Variants in KSR2 observed in about 807,000 individuals in gnomAD.
KSR2 encodes kinase suppressor of ras 2.
KSR2 carries 25 observed loss-of-function variants against 107.8 expected under a neutral mutation model. That is an observed-to-expected ratio of 0.23 (90% confidence interval 0.17 to 0.32). The LOEUF (loss-of-function observed/expected upper bound fraction) is 0.32. Among genes scored for constraint, KSR2 ranks in the 10% least tolerant of loss-of-function variants. KSR2 has a pLI of 1.00. For missense variants in KSR2, 887 were observed against 1,268.9 expected (o/e 0.70, Z 4.57); for synonymous variants, 480 against 507.0 (o/e 0.95, Z 0.71).
rs1355015011 is a variant in KSR2, at chr12:117,454,107, A to C, written c.*13092T>G. 2 of 152,072 alleles carry C rather than the reference A, an allele frequency of 1.3e-5. No individual in the cohort carries two copies. The highest frequency in any genetic ancestry group is 4.8e-5 in the African/African-American group (2 of 41,398). 9.4% of individuals were successfully genotyped at this position (152,072 alleles called of 1,614,324 possible). ...CCCCCTAGAGGTGGGATTCTGGGGGAGGTTCATTTGGGTGATTGAGAAGAA... is the reference window on the plus strand; with the variant it reads ...CCCCCTAGAGGTGGGATTCTGGGGGCGGTTCATTTGGGTGATTGAGAAGAA... On this transcript the variant is annotated 3_prime_UTR_variant, in exon 20 of 20. Coordinates refer to ENST00000339824, the MANE Select transcript of KSR2 (RefSeq NM_173598.6).
intron 1 of KSR2, among the ~76,000 whole-genome samples, chr12:117,926,788 A>G (rs1275127788): frequency 6.6e-6 from 1 of 152,210 alleles, no homozygotes; most frequent in Non-Finnish European, 1.5e-5. Flanking sequence ...GCCTTTCAGC[A>G]GGTATCCTGG....
At chr12:117,732,589 C>T (rs1376715154) in intron 4 of KSR2, among the ~76,000 whole-genome samples, 1 of 152,140 alleles carries the variant, frequency 6.6e-6, no homozygotes, top group African/African-American at 2.4e-5. Flanking sequence ...AGCGCCTGGC[C>T]CTGAAAATTA....
intron 3 of KSR2, among the ~76,000 whole-genome samples, chr12:117,767,479 T>C (rs907305661): frequency 6.7e-6 from 1 of 149,024 alleles, no homozygotes; most frequent in African/African-American, 2.5e-5. Flanking sequence ...AAAAAGGAAA[T>C]GAGGCTCTGG....
intron 1 of KSR2, among the ~76,000 whole-genome samples, chr12:117,931,500 C>G (rs1381067212): frequency 6.6e-6 from 1 of 152,166 alleles, no homozygotes; most frequent in Non-Finnish European, 1.5e-5. Flanking sequence ...AATCTTGAGT[C>G]AAGACTGCCA....
intron 3 of KSR2, among the ~76,000 whole-genome samples, chr12:117,809,712 T>C (rs970311171): frequency 3.3e-5 from 5 of 152,334 alleles, no homozygotes; most frequent in African/African-American, 1.2e-4. Flanking sequence ...AAGTCTCACA[T>C]GAGCAGAGGC....
chr12:117,793,371 G>A (rs1438615293), intron 3 of KSR2, among the ~76,000 whole-genome samples: 1 of 127,320 alleles, frequency 7.9e-6, no homozygotes, highest in Non-Finnish European at 1.6e-5. Context: ...ACACCAACAT[G>A]CACACACACC....
chr12:117,695,218 G>T (rs1173674747), intron 4 of KSR2, among the ~76,000 whole-genome samples: 1 of 152,080 alleles, frequency 6.6e-6, no homozygotes, highest in East Asian at 1.9e-4. Flanking sequence ...AGTGATGGTT[G>T]GCCAAGGCTG....
chr12:117,727,618 C>G (rs922276774), intron 4 of KSR2, among the ~76,000 whole-genome samples: 2 of 151,880 alleles, frequency 1.3e-5, no homozygotes, highest in Non-Finnish European at 2.9e-5. Context: ...AAGGAAGGAA[C>G]ACCAAGTATT....
At position 117,940,214 on chromosome 12, in the gene KSR2, C is replaced by T. The variant is rs555693854; in HGVS notation, c.180+27862G>A. On this transcript the variant is annotated intron_variant, in intron 1 of 19. Transcript: ENST00000339824. Reference sequence around the variant, plus strand: ...ACTTCACCAAGGATATCACAAATAACATTACTTGGAAAATCTACCTAATGG... The same window carrying T: ...ACTTCACCAAGGATATCACAAATAATATTACTTGGAAAATCTACCTAATGG... 2.0e-5 allele frequency among the ~76,000 whole-genome samples: 3 copies of T among 152,260 alleles called. No homozygotes were observed. The East Asian group carries it at 5.8e-4, about 29-fold the overall frequency.
intron 9 of KSR2, among the ~76,000 whole-genome samples, chr12:117,545,134 T>C (rs1876765933): frequency 6.6e-6 from 1 of 152,216 alleles, no homozygotes; most frequent in African/African-American, 2.4e-5. Context: ...TGTTAATTGA[T>C]TTTTCAGATA....
intron 3 of KSR2, among the ~76,000 whole-genome samples, chr12:117,809,538 T>C (rs1167444281): frequency 6.6e-6 from 1 of 152,208 alleles, no homozygotes; most frequent in African/African-American, 2.4e-5. Context: ...TCTTAGAAAG[T>C]ATTTTCCTGG....
intron 5 of KSR2, among the ~76,000 whole-genome samples, chr12:117,620,777 T>G (rs1565929661): frequency 6.6e-6 from 1 of 152,184 alleles, no homozygotes; most frequent in South Asian, 2.1e-4. Context: ...CATTCTTCTT[T>G]TTTTCTGATT....
At chr12:117,584,003 A>C (rs1313489920) in intron 5 of KSR2, among the ~76,000 whole-genome samples, 1 of 152,168 alleles carries the variant, frequency 6.6e-6, no homozygotes, top group Non-Finnish European at 1.5e-5. Context: ...TCGCTCCTCT[A>C]TTCTGTCTAA....
At chr12:117,956,721 G>C (rs979853083) in intron 1 of KSR2, among the ~76,000 whole-genome samples, 1 of 151,798 alleles carries the variant, frequency 6.6e-6, no homozygotes, top group African/African-American at 2.4e-5. Flanking sequence ...GAGCTCAGGG[G>C]TTCAAGGCCA....
intron 1 of KSR2, among the ~76,000 whole-genome samples, chr12:117,930,927 A>C (rs982803560): frequency 6.6e-6 from 1 of 152,126 alleles, no homozygotes; most frequent in African/African-American, 2.4e-5. Flanking sequence ...AAAACAAACA[A>C]ACAAATAAAT....
intron 3 of KSR2, among the ~76,000 whole-genome samples, chr12:117,769,117 C>T (rs1308092922): frequency 6.6e-6 from 1 of 152,202 alleles, no homozygotes; most frequent in Non-Finnish European, 1.5e-5. Context: ...TGCAGCTGAA[C>T]CTTAACTTCC....
intron 14 of KSR2, among the ~76,000 whole-genome samples, chr12:117,498,085 A>T (rs1592929675): frequency 6.6e-6 from 1 of 152,288 alleles, no homozygotes; most frequent in East Asian, 1.9e-4. Flanking sequence ...GAAGGTAAAG[A>T]TTACCTGCGC....
intron 3 of KSR2, among the ~76,000 whole-genome samples, chr12:117,776,068 C>A (rs1210820257): frequency 6.6e-6 from 1 of 151,612 alleles, no homozygotes; most frequent in African/African-American, 2.4e-5. Flanking sequence ...ACCTGTTCCC[C>A]AAAAAACTAT....
At chr12:117,516,156 CT>C (rs1565880039) in intron 14 of KSR2, among the ~76,000 whole-genome samples, 1 of 152,198 alleles carries the variant, frequency 6.6e-6, no homozygotes, top group African/African-American at 2.4e-5. Context: ...CAACCCTCCT[CT>C]TTTCCCCAGA....
Sources: allele counts gnomAD v4.1 joint callset (sites outside exome capture counted in the v4.1 genomes callset), GRCh38; gene constraint gnomAD v4.1.1; transcripts MANE v1.5; gene names NCBI Gene and HGNC (gene_info 2026-07-23, HGNC 2026-07-21).